FARSA: variants seen among roughly 807,000 people sequenced by gnomAD.
The protein encoded by FARSA is phenylalanine--tRNA ligase alpha subunit.
A neutral mutation model predicts 63.2 loss-of-function variants in FARSA; 37 were observed. The observed-to-expected ratio is 0.59, with a 90% CI of 0.45 to 0.77. The LOEUF (loss-of-function observed/expected upper bound fraction) is 0.77. FARSA is among the 30% of genes least tolerant of loss of function. FARSA has a pLI of 0.00. For synonymous variants in FARSA, 312 were observed against 285.1 expected, an observed-to-expected ratio of 1.09 and a Z score of -0.95; for missense variants, 618 against 696.6, an observed-to-expected ratio of 0.89 and a Z score of 1.27.
intron 7 of FARSA, among the ~76,000 whole-genome samples, chr19:12,927,913 T>A (rs1273319589): frequency 8.1e-5 from 12 of 147,846 alleles, no homozygotes; most frequent in Non-Finnish European, 1.5e-4. Flanking sequence ...TCCCAGCTAC[T>A]CGGGAGGCTG....
intron 12 of FARSA, among the ~76,000 whole-genome samples, chr19:12,923,805 G>A (rs1971293444): frequency 6.6e-6 from 1 of 152,064 alleles, no homozygotes; most frequent in East Asian, 1.9e-4. Context: ...TAGAGGCGGA[G>A]ACTTGCTCTA....
Position 12,930,764 on chromosome 19 carries a change from GGGGA to G in FARSA, c.148-19_148-16del. The G allele has an allele frequency of 6.2e-7, 1 of 1,603,588 alleles. No individual in the cohort carries two copies. The highest frequency in any genetic ancestry group is 1.7e-5 in the Admixed American group (1 of 60,030). On this transcript the variant is annotated splice_polypyrimidine_tract_variant and intron_variant, in intron 1 of 12. Coordinates refer to ENST00000314606, the MANE Select transcript of FARSA (RefSeq NM_004461.3). ...GCCTCGATGACCTAGAGGGAAATGT[GGGGA>G]GGGTGTCCAGGCAGGGGTGAGGCTC... is the stretch of plus-strand genomic sequence containing the variant.
intron 1 of FARSA, chr19:12,932,958 T>C (rs1478130377): frequency 6.6e-6 from 1 of 152,558 alleles, no homozygotes; most frequent in African/African-American, 2.4e-5. Flanking sequence ...TCCATGCCAA[T>C]TCTTCCCAAA....
chr19:12,928,967 T>A (rs1454752417), intron 4 of FARSA, 120 bp from the exon 5 acceptor site: 1 of 858,432 alleles, frequency 1.2e-6, no homozygotes, highest in East Asian at 2.4e-5. Flanking sequence ...ATTTCCATCC[T>A]GACATTTATC....
At position 12,924,834 on chromosome 19, in the gene FARSA, AG is replaced by A. The variant is rs537993454; in HGVS notation, c.1027-28del. 176 of 1,612,498 alleles carry A rather than the reference AG, an allele frequency of 1.1e-4. 1 individual carries two copies. In the African/African-American group the frequency reaches 2.0e-3, roughly 18 times the overall value. On this transcript the variant is annotated intron_variant, in intron 9 of 12. Coordinates refer to ENST00000314606, the MANE Select transcript of FARSA (RefSeq NM_004461.3). This position sits in a 1 kb window ranked among gnomAD's most constrained non-coding sequence, Gnocchi z 6.4. ...TAGGGGTGACAACCGAGCCAGGCCC[AG>A]GTATGGGTCAGAAGGTCCCTTTGAC...
At chr19:12,933,389 G>A (rs1017225441) in intron 1 of FARSA, 161 bp downstream of exon 1, 42 of 753,816 alleles carry the variant, frequency 5.6e-5, no homozygotes, top group Middle Eastern at 2.7e-4. Context: ...GTGCGTCTGG[G>A]CCCTCACTCG....
chr19:12,924,322 G>C lies in FARSA; in HGVS notation c.1274-57C>G, dbSNP rs1681651745. The stretch of plus-strand genomic sequence containing the variant: ...GCGTGTTGAGTTTCTGGGCACTGCT[G>C]GTACAGGTTCTGGGTCTAGGTGGTG... On this transcript the variant is annotated intron_variant, in intron 11 of 12. Transcript: ENST00000314606. This position sits in a 1 kb window ranked among gnomAD's most constrained non-coding sequence, Gnocchi z 6.4. The C allele has an allele frequency of 6.4e-7, 1 of 1,553,630 alleles. No homozygotes were observed.
chr19:12,931,742 C>T (rs1460770281), intron 1 of FARSA, among the ~76,000 whole-genome samples: 1 of 152,148 alleles, frequency 6.6e-6, no homozygotes, highest in Non-Finnish European at 1.5e-5. Context: ...ATGTCAGAGA[C>T]GGGCCCTGGA....
At chr19:12,930,983 T>TA (rs540376120) in intron 1 of FARSA, among the ~76,000 whole-genome samples, 5 of 152,212 alleles carry the variant, frequency 3.3e-5, no homozygotes, top group African/African-American at 4.8e-5. Flanking sequence ...CCTCCCAGGG[T>TA]AAAGTACACC....
At chr19:12,928,113 CAATT>C in intron 7 of FARSA, among the ~76,000 whole-genome samples, 1 of 150,480 alleles carries the variant, frequency 6.6e-6, no homozygotes, top group Non-Finnish European at 1.5e-5. Context: ...TAATTTAACT[CAATT>C]AATTTTTTTA....
Position 12,924,335 on chromosome 19 carries a change from G to GGT in FARSA, c.1274-72_1274-71dup. 2 of 1,539,636 alleles carry GGT rather than the reference G, an allele frequency of 1.3e-6. No individual in the cohort carries two copies. The highest frequency in any genetic ancestry group is 1.8e-6 in the Non-Finnish European group (2 of 1,114,974). On this transcript the variant is annotated intron_variant, in intron 11 of 12. Transcript: ENST00000314606. The surrounding 1 kb of genome is among the most constrained non-coding windows in gnomAD (Gnocchi z 6.4). The stretch of plus-strand genomic sequence containing the variant: ...CTGGGCACTGCTGGTACAGGTTCTG[G>GGT]GTCTAGGTGGTGAGCTTGGGAGGTG...
rs776207817 is a variant in FARSA, at chr19:12,933,614, G to A, written c.83C>T (p.Ala28Val). Residue 28 changes from alanine (A) to valine (V), a missense_variant, in exon 1 of 13, where the codon GCT becomes GTT. Physicochemically the swap from Ala to Val is moderately conservative, Grantham distance 64. Transcript: ENST00000314606. ...CGCCTGGTGCTCCATGCCCAGCTCA[G>A]CCGCCAACTCGGCGCTGTCCAGGCC... ...DGGLDSAELAAELGMEHQAVV... is the reference protein window; with the variant it reads ...DGGLDSAELAVELGMEHQAVV... 2.9e-5 allele frequency: 45 copies of A among 1,557,428 alleles called. No individual in the cohort carries two copies. The African/African-American group carries it at 5.0e-4, about 17-fold the overall frequency.
rs778006163 is a variant in FARSA, at chr19:12,924,659, C to A, written c.1175G>T (p.Arg392Leu). 1.3e-6 allele frequency: 2 copies of A among 1,598,076 alleles called. No individual in the cohort carries two copies. Among genetic ancestry groups the A allele is most frequent in the Non-Finnish European group, 1.7e-6 (2 of 1,171,048 alleles). ...LTLGHLMGVL[R>L]EFFTKLGITQ... ...CTCACCCAGCTTGGTGAAGAACTCC[C>A]GCAGAACGCCCATGAGGTGGCCCAA... The change falls in exon 10 of 13, where the codon CGG becomes CTG. Residue 392 changes from arginine (R) to leucine (L), a missense_variant. Arg to Leu is a moderately radical substitution (Grantham distance 102). Coordinates refer to ENST00000314606, the MANE Select transcript of FARSA (RefSeq NM_004461.3). This position sits in a 1 kb window ranked among gnomAD's most constrained non-coding sequence, Gnocchi z 6.4.
Position 12,928,749 on chromosome 19 carries a change from T to TA in FARSA, c.596+5_596+6insT. On this transcript the variant is annotated splice_donor_region_variant and intron_variant, in intron 5 of 12. Coordinates refer to ENST00000314606, the MANE Select transcript of FARSA (RefSeq NM_004461.3). ...CACCTGCCCTGACCCTGGGGTTGCC[T>TA]GCTACCTGGAGATCATCTCTGGGCT... 6.2e-7 allele frequency: 1 copy of TA among 1,612,960 alleles called. No homozygotes were observed. The highest frequency in any genetic ancestry group is 8.5e-7 in the Non-Finnish European group (1 of 1,179,318).
chr19:12,930,263 C>T lies in FARSA; in HGVS notation c.463G>A (p.Glu155Lys), dbSNP rs367913864. 27 of 1,614,042 alleles carry T rather than the reference C, an allele frequency of 1.7e-5. No homozygotes were observed. The African/African-American group carries it at 2.0e-4, about 12-fold the overall frequency. ...TTCCTCTTCCTCAGCTCGCTCCTCTCCTTCTCCCCCAGCTTCTCAGCCTGT... is the reference window on the plus strand; with the variant it reads ...TTCCTCTTCCTCAGCTCGCTCCTCTTCTTCTCCCCCAGCTTCTCAGCCTGT... ...GGQAEKLGEK[E>K]RSELRKRKLL... The change falls in exon 4 of 13, where the codon GAG becomes AAG. Residue 155 changes from glutamate (E) to lysine (K), a missense_variant. Glu to Lys is a moderately conservative substitution (Grantham distance 56). Transcript: ENST00000314606.
chr19:12,933,339 G>A (rs1335230881), intron 1 of FARSA: 6 of 581,618 alleles, frequency 1.0e-5, no homozygotes. Context: ...TACCCACGCT[G>A]ACCGTGCCTC....
chr19:12,923,014 C>T, intron 12 of FARSA, 128 bp from the exon 13 acceptor site: 1 of 1,228,936 alleles, frequency 8.1e-7, no homozygotes, highest in Non-Finnish European at 1.2e-6. Context: ...GGCCCTGCGC[C>T]AACTGCTCTA....
At chr19:12,925,205 C>G in intron 7 of FARSA, 31 bp from the exon 8 acceptor site, 1 of 1,515,386 alleles carries the variant, frequency 6.6e-7, no homozygotes, top group Non-Finnish European at 8.9e-7. Flanking sequence ...TCAGGTCAGT[C>G]AACGAGCATT....
chr19:12,923,762 G>A (rs1461283044), intron 12 of FARSA, among the ~76,000 whole-genome samples: 1 of 152,222 alleles, frequency 6.6e-6, no homozygotes, highest in Admixed American at 6.5e-5. Flanking sequence ...TTACAGGCAT[G>A]TGCCACCACG....
Sources: gnomAD v4.1 joint callset for allele counts (sites outside exome capture counted in the v4.1 genomes callset) on GRCh38, gnomAD v4.1.1 for gene constraint, Gnocchi (gnomAD v3.1) non-coding constraint, MANE v1.5 for transcripts, NCBI Gene and HGNC (gene_info 2026-07-23, HGNC 2026-07-21) for gene names.